Variants in ICE1 observed in about 807,000 individuals in gnomAD.
ICE1 encodes interactor of little elongation complex ELL subunit 1, also known as little elongation complex subunit 1.
Under a neutral mutation model 192.7 loss-of-function variants are expected in ICE1, and 64 were observed. That is an observed-to-expected ratio of 0.33 (90% CI 0.27 to 0.41). The LOEUF is 0.41. Ranked by LOEUF, ICE1 falls within the 10% of genes least tolerant of loss-of-function variation. The pLI, the probability that ICE1 is intolerant of heterozygous loss-of-function variation, is 1.00. For missense variants in ICE1, 2,708 were observed against 2,696.0 expected, an observed-to-expected ratio of 1.00 and a Z score of -0.10; for synonymous variants, 1,010 against 984.5, an observed-to-expected ratio of 1.03 and a Z score of -0.49.
rs774168755 is a variant in ICE1, at chr5:5,461,670, T to G, written c.2336T>G (p.Ile779Ser). The G allele has an allele frequency of 1.9e-6, 3 of 1,613,888 alleles. No homozygotes were observed. Among genetic ancestry groups the G allele is most frequent in the Non-Finnish European group, 1.7e-6 (2 of 1,179,872 alleles). Residue 779 changes from isoleucine (I) to serine (S), a missense_variant, in exon 13 of 19, where the codon ATC becomes AGC. By Grantham distance (142) the Ile-to-Ser change is moderately radical. Around this residue, in one of 2 missense-constraint regions of ICE1, gnomAD observed 2,366 missense variants for 2,276.6 expected, o/e 1.04. Transcript: ENST00000296564. ...TSLIGSQAAL[I>S]KSGLGFVKST... ...TTAATAGGTTCTCAGGCTGCCTTGA[T>G]CAAGAGTGGTTTGGGTTTTGTTAAA...
intron 10 of ICE1, 113 bp downstream of exon 10, chr5:5,448,010 C>T (rs971677188): frequency 3.0e-5 from 22 of 728,096 alleles, no homozygotes; most frequent in South Asian, 2.5e-4. Context: ...GTAGATGTTT[C>T]GTTTTAGTAG....
In ICE1 at chr5:5,443,260, A is replaced by G; in HGVS notation, c.386+16A>G. 1 of 1,317,368 alleles carries G rather than the reference A, an allele frequency of 7.6e-7. No homozygotes were observed. Among genetic ancestry groups the G allele is most frequent in the Non-Finnish European group, 1.0e-6 (1 of 970,096 alleles). 81.6% of individuals were successfully genotyped at this position (1,317,368 alleles called of 1,614,324 possible). ...GTGATGCTCAGTAAGTAGTTACTAAATTACTATAGAAATACGGTTTTCAGT... is the reference window on the plus strand; with the variant it reads ...GTGATGCTCAGTAAGTAGTTACTAAGTTACTATAGAAATACGGTTTTCAGT... On this transcript the variant is annotated intron_variant, in intron 6 of 18. Transcript: ENST00000296564.
At position 5,436,420 on chromosome 5, in the gene ICE1, T is replaced by C. The variant is rs1737874004; in HGVS notation, c.87T>C (p.Asn29=). Residue 29 remains asparagine (N), a splice_region_variant and synonymous_variant, in exon 2 of 19, where the codon AAT becomes AAC. Coordinates refer to ENST00000296564, the MANE Select transcript of ICE1 (RefSeq NM_015325.3). Reference sequence around the variant, plus strand: ...GACTGTGGCTTTTTTTCTTTCAGAATTTGAATGAATATGTTGAAGCATTAA... The same window carrying C: ...GACTGTGGCTTTTTTTCTTTCAGAACTTGAATGAATATGTTGAAGCATTAA... ...RCQGCASLQQ[N]LNEYVEALIT... The C allele has an allele frequency of 2.0e-6, 3 of 1,469,452 alleles. No individual in the cohort carries two copies. Among genetic ancestry groups the C allele is most frequent in the South Asian group, 1.5e-5 (1 of 68,740 alleles). The allele number at this position is 1,469,452 out of a possible 1,614,324, so 91.0% of individuals were successfully genotyped here.
Position 5,464,830 on chromosome 5 carries a change from C to G in ICE1, c.5496C>G (p.Ser1832Arg). ...SRDLGTQQDS[S>R]GKRTLSTSTL... ...ATTTGGGGACTCAGCAGGATTCAAG[C>G]GGGAAAAGAACACTGTCAACGTCTA... The change falls in exon 13 of 19, where the codon AGC becomes AGG. Residue 1832 changes from serine to arginine, a missense_variant. Coordinates refer to ENST00000296564, the MANE Select transcript of ICE1 (RefSeq NM_015325.3). The surrounding 1 kb of genome is among the most constrained non-coding windows in gnomAD (Gnocchi z 4.0). 6.2e-7 allele frequency: 1 copy of G among 1,613,170 alleles called. No homozygotes were observed. Among genetic ancestry groups the G allele is most frequent in the Non-Finnish European group, 8.5e-7 (1 of 1,179,552 alleles).
Position 5,463,033 on chromosome 5 carries a change from A to G in ICE1, c.3699A>G (p.Glu1233=). ...AGGAAGAAACACTTGGAACCTGTGA[A>G]GAGTGGATTGAATCAGAGGAAGATG... ...PCEEETLGTC[E]EWIESEEDDY... The change falls in exon 13 of 19, where the codon GAA becomes GAG. Residue 1233 remains glutamate (E), a synonymous_variant. Coordinates refer to ENST00000296564, the MANE Select transcript of ICE1 (RefSeq NM_015325.3). 1 of 1,613,920 alleles carries G rather than the reference A, an allele frequency of 6.2e-7. No individual in the cohort carries two copies. The highest frequency in any genetic ancestry group is 8.5e-7 in the Non-Finnish European group (1 of 1,179,874).
chr5:5,480,609 C>G (rs538988305), intron 17 of ICE1, among the ~76,000 whole-genome samples: 1 of 152,116 alleles, frequency 6.6e-6, no homozygotes, highest in African/African-American at 2.4e-5. Flanking sequence ...GTTTGAGAAT[C>G]GGTTATATAA....
intron 15 of ICE1, among the ~76,000 whole-genome samples, chr5:5,471,267 C>T (rs924211893): frequency 3.3e-5 from 5 of 152,038 alleles, no homozygotes; most frequent in African/African-American, 1.2e-4. Flanking sequence ...AGGGTGATTT[C>T]CTGGCAAAAT....
chr5:5,425,910 G>T (rs1296080029), intron 1 of ICE1, among the ~76,000 whole-genome samples: 2 of 152,212 alleles, frequency 1.3e-5, no homozygotes, highest in Non-Finnish European at 2.9e-5. Flanking sequence ...TAAAGAATGG[G>T]CAGGTCTCAT....
chr5:5,440,325 C>G (rs904689782), intron 4 of ICE1, among the ~76,000 whole-genome samples: 1 of 152,186 alleles, frequency 6.6e-6, no homozygotes, highest in South Asian at 2.1e-4. Context: ...GATTCATCAC[C>G]CAGATGAAGG....
chr5:5,458,283 T>C (rs1338181520), intron 12 of ICE1, among the ~76,000 whole-genome samples: 3 of 152,238 alleles, frequency 2.0e-5, no homozygotes, highest in African/African-American at 7.2e-5. Flanking sequence ...GGAATCAGTT[T>C]CTTTCTTTAT....
Position 5,457,423 on chromosome 5 carries a change from T to C in ICE1, c.783T>C (p.Asn261=). ...AGGGCAGCCCTCTCAGGACCTCAAA[T>C]GTGCAGACATGCCTCACAAAACTGT... ...PTQGSPLRTS[N]VQTCLTKLSM... is the part of the protein sequence containing the mutation. The change falls in exon 12 of 19, where the codon AAT becomes AAC. Residue 261 remains asparagine (N), a synonymous_variant. Coordinates refer to ENST00000296564, the MANE Select transcript of ICE1 (RefSeq NM_015325.3). The C allele has an allele frequency of 3.1e-6, 5 of 1,613,876 alleles. No individual in the cohort carries two copies. In the South Asian group the frequency reaches 4.4e-5, roughly 14 times the overall value.
In ICE1 at chr5:5,467,068, T is replaced by C. The variant is rs574580096; in HGVS notation, c.6061+566T>C. Among the ~76,000 whole-genome samples the C allele has an allele frequency of 6.6e-5, 10 of 152,338 alleles. No homozygotes were observed. In the East Asian group the frequency reaches 1.5e-3, roughly 23 times the overall value. ...GAAACCTAGTATCGTATCAGTCTTA[T>C]CTCAGTGGTAAACATTTACCATCTT... On this transcript the variant is annotated intron_variant, in intron 14 of 18. Coordinates refer to ENST00000296564, the MANE Select transcript of ICE1 (RefSeq NM_015325.3).
intron 1 of ICE1, among the ~76,000 whole-genome samples, chr5:5,425,585 A>C (rs1375769150): frequency 6.6e-6 from 1 of 152,246 alleles, no homozygotes; most frequent in Non-Finnish European, 1.5e-5. Context: ...CTCTGGAGGA[A>C]TTCTGTAGTT....
chr5:5,434,079 TAATA>T (rs1249131529), intron 1 of ICE1, among the ~76,000 whole-genome samples: 1 of 152,150 alleles, frequency 6.6e-6, no homozygotes, highest in Non-Finnish European at 1.5e-5. Context: ...TCACTGAAAT[TAATA>T]AATAAAGGGA....
At chr5:5,480,253 T>C (rs1373820371) in intron 17 of ICE1, among the ~76,000 whole-genome samples, 10 of 143,530 alleles carry the variant, frequency 7.0e-5, no homozygotes, top group Non-Finnish European at 1.5e-4. Flanking sequence ...CTTTTTCTTT[T>C]TTTTTTTTTT....
rs1739728586 is a variant in ICE1 at position 5,489,453 on chromosome 5, C to G, written c.*123C>G. ...AAGACATAAAATAGATAAAACAGAC[C>G]AGAGGCTCTCCTTATTGTTTGGCAA... On this transcript the variant is annotated 3_prime_UTR_variant, in exon 19 of 19. Coordinates refer to ENST00000296564, the MANE Select transcript of ICE1 (RefSeq NM_015325.3). 15 of 822,104 alleles carry G rather than the reference C, an allele frequency of 1.8e-5. No individual in the cohort carries two copies. The highest frequency in any genetic ancestry group is 3.1e-5 in the Admixed American group (1 of 31,772). The allele number at this position is 822,104 out of a possible 1,614,324, so 50.9% of individuals were successfully genotyped here.
At position 5,453,506 on chromosome 5, in the gene ICE1, T is replaced by A. The variant is rs111982283; in HGVS notation, c.605-1046T>A. Among the ~76,000 whole-genome samples the A allele has an allele frequency of 5.3e-3, 812 of 152,320 alleles. 6 individuals carry two copies. Among genetic ancestry groups the A allele is most frequent in the East Asian group, 0.027 (141 of 5,190 alleles). ...TAAAGTTTGGTCTTTTAAGCTTCTC[T>A]TGAACTGGAGTAAAGATTTCACTAA... On this transcript the variant is annotated intron_variant, in intron 10 of 18. Coordinates refer to ENST00000296564, the MANE Select transcript of ICE1 (RefSeq NM_015325.3).
In ICE1 at chr5:5,457,545, G is replaced by A. The variant is rs531912935; in HGVS notation, c.905G>A (p.Gly302Glu). 11 of 1,613,986 alleles carry A rather than the reference G, an allele frequency of 6.8e-6. No individual in the cohort carries two copies. The African/African-American group carries it at 1.1e-4, about 16-fold the overall frequency. Residue 302 changes from glycine (G) to glutamate (E), a missense_variant, in exon 12 of 19, where the codon GGA (glycine) becomes GAA (glutamate). Gly to Glu is a moderately conservative substitution (Grantham distance 98, BLOSUM62 -2). This residue lies in a region of ICE1 where 2,366 missense variants were observed against 2,276.6 expected (regional missense o/e 1.04). Transcript: ENST00000296564. ...CSSDHVFNEN[G>E]NLEVLVQSHR... Reference sequence around the variant, plus strand: ...TCTGACCATGTTTTTAATGAGAATGGAAATCTTGAGGTTTTAGTACAAAGT... The same window carrying A: ...TCTGACCATGTTTTTAATGAGAATGAAAATCTTGAGGTTTTAGTACAAAGT...
chr5:5,430,173 A>C (rs1416736954), intron 1 of ICE1, among the ~76,000 whole-genome samples: 1 of 152,196 alleles, frequency 6.6e-6, no homozygotes, highest in Non-Finnish European at 1.5e-5. Flanking sequence ...TGCAGGAATG[A>C]ATGTGGGTCA....
Sources: gnomAD v4.1 joint callset for allele counts (sites outside exome capture counted in the v4.1 genomes callset) on GRCh38, gnomAD v4.1.1 for gene constraint, gnomAD v4.1.1 regional missense constraint, Gnocchi (gnomAD v3.1) non-coding constraint, MANE v1.5 for transcripts, NCBI Gene and HGNC (gene_info 2026-07-23, HGNC 2026-07-21) for gene names.